TP63: variants seen among roughly 807,000 people sequenced by gnomAD.
The protein encoded by TP63 is tumor protein p63.
TP63 carries 17 observed loss-of-function variants against 82.8 expected under a neutral mutation model. The ratio of observed to expected loss-of-function variants is 0.21; its 90% CI spans 0.14 to 0.31. The LOEUF (loss-of-function observed/expected upper bound fraction) is 0.31, where lower values mean the gene tolerates loss of function less well. Ranked by LOEUF, TP63 falls within the 10% of genes least tolerant of loss-of-function variation. The probability of loss-of-function intolerance (pLI) is 1.00; values close to 1 mark genes in which losing one functional copy is unlikely to be tolerated. For synonymous variants in TP63, 330 were observed against 321.7 expected (o/e 1.03, Z -0.28); for missense variants, 648 against 895.3 (o/e 0.72, Z 3.52).
intron 3 of TP63, chr3:189,789,808 A>G (rs1482324475): frequency 6.3e-7 from 1 of 1,596,714 alleles, no homozygotes; most frequent in South Asian, 1.1e-5. Flanking sequence ...AACATGTTGT[A>G]CCTGGAAAAC....
At chr3:189,612,966 TTA>T in the TP63 span, among the ~76,000 whole-genome samples, 6 of 152,306 alleles carry the variant, frequency 3.9e-5, no homozygotes, top group Admixed American at 2.0e-4. Flanking sequence ...TTGGGTTCTG[TTA>T]AAGGCATTCA....
intron 3 of TP63, among the ~76,000 whole-genome samples, chr3:189,769,869 C>A (rs551720331): frequency 6.6e-6 from 1 of 152,288 alleles, no homozygotes; most frequent in Admixed American, 6.5e-5. Context: ...ACTCATGTTA[C>A]ACTCTAAATT....
the TP63 span, among the ~76,000 whole-genome samples, chr3:189,611,643 GT>G: frequency 1.3e-5 from 2 of 152,116 alleles, no homozygotes; most frequent in Non-Finnish European, 2.9e-5. Flanking sequence ...TTTTAAAATA[GT>G]TTTTTCTACT....
At chr3:189,630,004 T>C (rs1458487574), upstream of TP63, among the ~76,000 whole-genome samples, 2 of 152,156 alleles carry the variant, frequency 1.3e-5, no homozygotes, top group African/African-American at 4.8e-5. Context: ...TTTGTGAATT[T>C]CACAATTCAC....
chr3:189,759,864 T>TA (rs1424721421), intron 3 of TP63, among the ~76,000 whole-genome samples: 2 of 152,300 alleles, frequency 1.3e-5, no homozygotes, highest in East Asian at 3.9e-4. Context: ...TTATTGGACT[T>TA]ACAGTTCCAC....
At chr3:189,760,826 G>C (rs938664569) in intron 3 of TP63, among the ~76,000 whole-genome samples, 2 of 152,184 alleles carry the variant, frequency 1.3e-5, no homozygotes, top group African/African-American at 4.8e-5. Context: ...CAGGCATCCA[G>C]GCATTTCCAT....
chr3:189,799,630 C>T (rs1726074540), intron 3 of TP63, among the ~76,000 whole-genome samples: 1 of 152,200 alleles, frequency 6.6e-6, no homozygotes, highest in African/African-American at 2.4e-5. Flanking sequence ...TTGTGAGTGA[C>T]AGGACTGGCT....
chr3:189,728,710 C>T (rs1229708147), intron 1 of TP63, among the ~76,000 whole-genome samples: 2 of 152,122 alleles, frequency 1.3e-5, no homozygotes, highest in East Asian at 3.8e-4. Context: ...GCAGAAGGCA[C>T]CTCTTCACAG....
intron 1 of TP63, among the ~76,000 whole-genome samples, chr3:189,713,477 C>T (rs556942102): frequency 3.7e-4 from 56 of 152,212 alleles, no homozygotes; most frequent in Non-Finnish European, 4.7e-4. Flanking sequence ...TTATTCCAAA[C>T]GTTTAGGGGG....
intron 4 of TP63, among the ~76,000 whole-genome samples, chr3:189,845,577 G>T (rs1458214875): frequency 6.6e-6 from 1 of 151,802 alleles, no homozygotes; most frequent in Non-Finnish European, 1.5e-5. Flanking sequence ...CATTCAGAAA[G>T]CCAGGCATAA....
At chr3:189,803,323 G>C (rs1023235756) in intron 3 of TP63, among the ~76,000 whole-genome samples, 5 of 152,140 alleles carry the variant, frequency 3.3e-5, no homozygotes, top group African/African-American at 1.2e-4. Context: ...ATCTTTTACA[G>C]ATAAATTGGT....
Position 189,873,098 on chromosome 3 carries a change from A to G in TP63, c.1349+103A>G, listed in dbSNP as rs1718638106. On this transcript the variant is annotated intron_variant, in intron 10 of 13. Transcript: ENST00000264731. The stretch of plus-strand genomic sequence containing the variant: ...AGCAATGTGGAACATAATGGGAGAT[A>G]GCAGATTGTCATAGATTCAGATGAC... 4 of 1,569,508 alleles carry G rather than the reference A, an allele frequency of 2.5e-6. No homozygotes were observed. In the African/African-American group the frequency reaches 5.4e-5, roughly 21 times the overall value.
At chr3:189,867,032 A>G (rs1157206520) in intron 6 of TP63, among the ~76,000 whole-genome samples, 1 of 152,216 alleles carries the variant, frequency 6.6e-6, no homozygotes, top group Non-Finnish European at 1.5e-5. Flanking sequence ...CCATATTCCC[A>G]TCTTAAGGGC....
At chr3:189,867,986 G>T in intron 7 of TP63, 44 bp downstream of exon 7, 3 of 1,515,088 alleles carry the variant, frequency 2.0e-6, no homozygotes, top group South Asian at 1.1e-5. Context: ...AAAAAATCAC[G>T]AGCAGAGGGC....
chr3:189,763,112 C>T (rs2108542089), intron 3 of TP63, among the ~76,000 whole-genome samples: 1 of 152,058 alleles, frequency 6.6e-6, no homozygotes, highest in South Asian at 2.1e-4. Context: ...TCTCTATAAA[C>T]AAAATTTAAA....
chr3:189,686,871 C>T (rs1333139195), intron 1 of TP63, among the ~76,000 whole-genome samples: 1 of 151,722 alleles, frequency 6.6e-6, no homozygotes, highest in Admixed American at 6.6e-5. Context: ...GCTGGGATGA[C>T]AGGCACCTGC....
chr3:189,637,026 A>G (rs982874882), intron 1 of TP63, among the ~76,000 whole-genome samples: 1 of 152,094 alleles, frequency 6.6e-6, no homozygotes, highest in African/African-American at 2.4e-5. Context: ...GCCAGAGCCT[A>G]TCTCAGCAGC....
At chr3:189,676,382 G>T (rs1435668506) in intron 1 of TP63, among the ~76,000 whole-genome samples, 1 of 152,064 alleles carries the variant, frequency 6.6e-6, no homozygotes, top group Non-Finnish European at 1.5e-5. Context: ...ACATTTTTTA[G>T]ATTCCATATG....
intron 1 of TP63, among the ~76,000 whole-genome samples, chr3:189,678,549 A>T (rs1715643289): frequency 6.6e-6 from 1 of 151,924 alleles, no homozygotes; most frequent in East Asian, 1.9e-4. Context: ...TTTGCTAAGG[A>T]TTGCTTTGGC....
Sources: gnomAD v4.1 joint callset for allele counts (sites outside exome capture counted in the v4.1 genomes callset) on GRCh38, gnomAD v4.1.1 for gene constraint, MANE v1.5 for transcripts, NCBI Gene and HGNC (gene_info 2026-07-23, HGNC 2026-07-21) for gene names.